PTN: variants seen among roughly 807,000 people sequenced by gnomAD.
PTN encodes the protein heparin affin regulatory protein.
Under a neutral mutation model 24.1 loss-of-function variants are expected in PTN, and 18 were observed. That is an observed-to-expected ratio of 0.75 (90% CI 0.52 to 1.11). The LOEUF (loss-of-function observed/expected upper bound fraction) is 1.11. Among genes scored for constraint, PTN ranks in the 50% least tolerant of loss-of-function variants. PTN has a pLI of 0.00. For synonymous variants in PTN, 78 were observed against 68.6 expected (o/e 1.14, Z -0.67); for missense variants, 163 against 198.8 (o/e 0.82, Z 1.08).
At chr7:137,241,045 C>T (rs1389271956) in intron 4 of PTN, among the ~76,000 whole-genome samples, 2 of 152,018 alleles carry the variant, frequency 1.3e-5, no homozygotes, top group East Asian at 1.9e-4. Flanking sequence ...TGGCTGAAGG[C>T]GAAGGGAAAA....
chr7:137,334,952 C>A (rs1289814604), intron 1 of PTN, among the ~76,000 whole-genome samples: 14 of 146,628 alleles, frequency 9.5e-5, no homozygotes, highest in Admixed American at 4.2e-4. Context: ...GACAAAAAAC[C>A]AAACACTACA....
At chr7:137,246,273 C>G (rs1300144494) in intron 4 of PTN, among the ~76,000 whole-genome samples, 1 of 152,152 alleles carries the variant, frequency 6.6e-6, no homozygotes, top group Non-Finnish European at 1.5e-5. Flanking sequence ...CAATAACCTA[C>G]AGTATTCAGT....
rs548150620 is a variant in PTN at position 137,294,599 on chromosome 7, G to A, written c.-1-39625C>T. The stretch of plus-strand genomic sequence containing the variant: ...CCAAGAGAGTCTGGCCTGTTAGCAA[G>A]TTTCTCTGCCATCCACCTCAGCCAC... On this transcript the variant is annotated intron_variant, in intron 1 of 4. Coordinates refer to ENST00000348225, the MANE Select transcript of PTN (RefSeq NM_002825.7). Among the ~76,000 whole-genome samples, 70 of 152,134 alleles carry A rather than the reference G, an allele frequency of 4.6e-4. 1 individual carries two copies. The South Asian group carries it at 9.8e-3, about 21-fold the overall frequency.
At chr7:137,261,163 T>G (rs1444007506) in intron 1 of PTN, among the ~76,000 whole-genome samples, 1 of 152,162 alleles carries the variant, frequency 6.6e-6, no homozygotes, top group Non-Finnish European at 1.5e-5. Flanking sequence ...TTATCTTTAT[T>G]GAAGCTCTAA....
At chr7:137,299,734 A>G (rs970205108) in intron 1 of PTN, among the ~76,000 whole-genome samples, 2 of 151,870 alleles carry the variant, frequency 1.3e-5, no homozygotes, top group African/African-American at 4.8e-5. Flanking sequence ...GAAAGAGACA[A>G]ACATCTTTGT....
intron 1 of PTN, among the ~76,000 whole-genome samples, chr7:137,310,149 T>G (rs1809955607): frequency 6.6e-6 from 1 of 152,190 alleles, no homozygotes; most frequent in Admixed American, 6.5e-5. Flanking sequence ...TCAGAGCTCT[T>G]GGGTGACCAG....
chr7:137,274,037 A>G (rs981773545), intron 1 of PTN, among the ~76,000 whole-genome samples: 242 of 149,760 alleles, frequency 1.6e-3, no homozygotes, highest in African/African-American at 5.3e-3. Context: ...AGAAGCGCAC[A>G]CACACACACA....
chr7:137,250,617 G>A (rs1011009986), intron 4 of PTN, among the ~76,000 whole-genome samples: 11 of 152,162 alleles, frequency 7.2e-5, no homozygotes, highest in African/African-American at 1.9e-4. Context: ...ATGAATTCAT[G>A]GCCATAATGA....
intron 1 of PTN, among the ~76,000 whole-genome samples, chr7:137,316,728 T>C (rs551762092): frequency 1.6e-4 from 25 of 152,198 alleles, no homozygotes; most frequent in East Asian, 5.8e-4. Context: ...CTGGGGAGCA[T>C]TGGGTTGCAG....
chr7:137,290,919 T>C (rs1270169173), intron 1 of PTN, among the ~76,000 whole-genome samples: 3 of 152,224 alleles, frequency 2.0e-5, no homozygotes, highest in Non-Finnish European at 4.4e-5. Context: ...CCATTTCTCT[T>C]CATCACACAA....
At chr7:137,235,201 T>A (rs1808498256) in intron 4 of PTN, among the ~76,000 whole-genome samples, 1 of 152,062 alleles carries the variant, frequency 6.6e-6, no homozygotes, top group African/African-American at 2.4e-5. Context: ...AGCCTGCATA[T>A]CACCAAGATC....
chr7:137,260,928 A>C (rs901845176), intron 1 of PTN, among the ~76,000 whole-genome samples: 5 of 152,168 alleles, frequency 3.3e-5, no homozygotes, highest in Admixed American at 6.6e-5. Flanking sequence ...ATAATTCCAT[A>C]AAGAAATGTT....
rs761910741 is a variant in PTN, at chr7:137,253,477, C to T, written c.276G>A (p.Lys92=). 1.1e-5 allele frequency: 18 copies of T among 1,607,192 alleles called. No individual in the cohort carries two copies. The highest frequency in any genetic ancestry group is 6.8e-6 in the Non-Finnish European group (8 of 1,175,718). The change falls in exon 3 of 5, where the codon AAG becomes AAA. Residue 92 remains lysine, a synonymous_variant. Transcript: ENST00000348225. ...TQRCKIPCNW[K]KQFGAECKYQ... is the part of the protein sequence containing the mutation. ...CATGAGGCTTACCGCCAAATTGCTT[C>T]TTCCAGTTGCAGGGGATCTTACATC...
At chr7:137,336,645 C>G (rs1454204827) in intron 1 of PTN, among the ~76,000 whole-genome samples, 2 of 152,066 alleles carry the variant, frequency 1.3e-5, no homozygotes, top group Non-Finnish European at 2.9e-5. Flanking sequence ...TGTGGAGGGG[C>G]GAGGCCTTTC....
intron 1 of PTN, among the ~76,000 whole-genome samples, chr7:137,277,069 A>C (rs1000818617): frequency 6.6e-6 from 1 of 152,254 alleles, no homozygotes; most frequent in African/African-American, 2.4e-5. Context: ...TATCTACAAC[A>C]CATAAAGAAT....
chr7:137,327,116 G>T (rs1459918538), intron 1 of PTN, among the ~76,000 whole-genome samples: 1 of 152,114 alleles, frequency 6.6e-6, no homozygotes, highest in Non-Finnish European at 1.5e-5. Flanking sequence ...GAATGTAAAA[G>T]GATCAAGGGG....
chr7:137,288,034 C>A (rs1192199289), intron 1 of PTN, among the ~76,000 whole-genome samples: 1 of 152,102 alleles, frequency 6.6e-6, no homozygotes, highest in Non-Finnish European at 1.5e-5. Flanking sequence ...ATCTTAGTGT[C>A]TCAGAAGGAA....
At chr7:137,249,904 A>G (rs1432640463) in intron 4 of PTN, among the ~76,000 whole-genome samples, 2 of 152,194 alleles carry the variant, frequency 1.3e-5, no homozygotes, top group Non-Finnish European at 2.9e-5. Flanking sequence ...AACTATTTCT[A>G]TGGACAACTC....
rs1288165765 is a variant in PTN, at chr7:137,341,510, T to C, written c.-2+1929A>G. ...TAATACATTAGACTATAAATATAGT[T>C]AGGTATACCTTATTACTCTAATTAT... is the stretch of plus-strand genomic sequence containing the variant. On this transcript the variant is annotated intron_variant, in intron 1 of 4. Coordinates refer to ENST00000348225, the MANE Select transcript of PTN (RefSeq NM_002825.7). 4.0e-5 allele frequency among the ~76,000 whole-genome samples: 6 copies of C among 149,338 alleles called. No homozygotes were observed. In the Admixed American group the frequency reaches 4.6e-4, roughly 11 times the overall value.
Sources: gnomAD v4.1 joint callset for allele counts (sites outside exome capture counted in the v4.1 genomes callset) on GRCh38, gnomAD v4.1.1 for gene constraint, MANE v1.5 for transcripts, NCBI Gene and HGNC (gene_info 2026-07-23, HGNC 2026-07-21) for gene names.